The following TSNARE1 variants were observed in gnomAD, a reference collection of about 807,000 sequenced individuals.
TSNARE1 encodes the protein t-SNARE domain-containing protein 1.
A neutral mutation model predicts 62.0 loss-of-function variants in TSNARE1; 49 were observed. The ratio of observed to expected loss-of-function variants is 0.79; its 90% CI spans 0.63 to 1.00. The LOEUF (loss-of-function observed/expected upper bound fraction) is 1.00, where lower values mean the gene tolerates loss of function less well. TSNARE1 is among the 50% of genes least tolerant of loss of function. The pLI is 0.00. For synonymous variants in TSNARE1, 328 were observed against 294.4 expected, an observed-to-expected ratio of 1.11 and a Z score of -1.17; for missense variants, 755 against 700.1, an observed-to-expected ratio of 1.08 and a Z score of -0.88.
At position 142,331,827 on chromosome 8, in the gene TSNARE1, G is replaced by C; in HGVS notation, c.750C>G (p.Thr250=). The part of the protein sequence containing the change: ...EGFSLEPPRA[T]QVDPCNLQEL... Reference sequence around the variant, plus strand: ...CCTGGAGGTTGCACGGATCGACCTGGGTGGCTGGGAGAAGACAGGGAGGAG... The same window carrying C: ...CCTGGAGGTTGCACGGATCGACCTGCGTGGCTGGGAGAAGACAGGGAGGAG... Residue 250 remains threonine (T), a synonymous_variant, in exon 5 of 14, where the codon ACC becomes ACG. Coordinates refer to ENST00000524325, the MANE Select transcript of TSNARE1 (RefSeq NM_145003.5). The C allele has an allele frequency of 6.2e-7, 1 of 1,607,926 alleles. No individual in the cohort carries two copies. The highest frequency in any genetic ancestry group is 8.5e-7 in the Non-Finnish European group (1 of 1,177,284).
At chr8:142,277,961 G>A in intron 11 of TSNARE1, 1 of 985,342 alleles carries the variant, frequency 1.0e-6, no homozygotes, top group South Asian at 4.7e-5. Context: ...CCCCAAACCA[G>A]GTCTGCCTCT....
intron 1 of TSNARE1, among the ~76,000 whole-genome samples, chr8:142,378,608 A>G (rs771692486): frequency 6.6e-6 from 1 of 152,236 alleles, no homozygotes; most frequent in Non-Finnish European, 1.5e-5. Context: ...CGCTCAGGGT[A>G]AGAAGCCAGT....
At chr8:142,284,790 G>A (rs1336833585) in intron 10 of TSNARE1, among the ~76,000 whole-genome samples, 4 of 152,214 alleles carry the variant, frequency 2.6e-5, no homozygotes, top group Non-Finnish European at 5.9e-5. Flanking sequence ...GGGGCTGTGA[G>A]CTGCTTCCCT....
chr8:142,253,420 C>T (rs28694701), intron 12 of TSNARE1, among the ~76,000 whole-genome samples: 76,841 of 152,052 alleles, frequency 0.51, 20,896 homozygotes, highest in African/African-American at 0.71. Flanking sequence ...CAGTCACCCC[C>T]GAGTCACCAC....
At chr8:142,320,739 C>T (rs905572346) in intron 6 of TSNARE1, among the ~76,000 whole-genome samples, 5 of 152,266 alleles carry the variant, frequency 3.3e-5, no homozygotes, top group Admixed American at 1.3e-4. Flanking sequence ...CCGTGGGCAA[C>T]GCCCCCAGCA....
rs555325950 is a variant in TSNARE1 at position 142,344,236 on chromosome 8, G to A, written c.475C>T (p.Arg159Cys). 1.6e-5 allele frequency: 26 copies of A among 1,612,656 alleles called. No homozygotes were observed. Among genetic ancestry groups the A allele is most frequent in the East Asian group, 1.3e-4 (6 of 44,856 alleles). Residue 159 changes from arginine to cysteine, a missense_variant, in exon 4 of 14, where the codon CGC becomes TGC. Physicochemically the swap from Arg to Cys is radical, Grantham distance 180. Coordinates refer to ENST00000524325, the MANE Select transcript of TSNARE1 (RefSeq NM_145003.5). ...GTGLLKAEPT[R>C]RYRVWSRILQ... ...ATGCGGCTCCACACGCGGTACCTGC[G>A]AGTGGGCTCGGCCTTCAGCAGCCCC...
At chr8:142,339,533 G>A (rs910635776) in intron 4 of TSNARE1, among the ~76,000 whole-genome samples, 3 of 152,192 alleles carry the variant, frequency 2.0e-5, no homozygotes, top group Non-Finnish European at 4.4e-5. Context: ...CCCACAGGGC[G>A]CTAAGAAACC....
chr8:142,373,417 G>A (rs944919080), intron 1 of TSNARE1, among the ~76,000 whole-genome samples: 2 of 152,120 alleles, frequency 1.3e-5, no homozygotes, highest in African/African-American at 2.4e-5. Flanking sequence ...GGCCAGCAGC[G>A]GGATGGCAGG....
At chr8:142,344,704 T>C (rs1463841781) in intron 3 of TSNARE1, among the ~76,000 whole-genome samples, 1 of 152,166 alleles carries the variant, frequency 6.6e-6, no homozygotes, top group Non-Finnish European at 1.5e-5. Flanking sequence ...TGGGTCACAG[T>C]GCCCCATCTC....
intron 10 of TSNARE1, among the ~76,000 whole-genome samples, chr8:142,297,513 T>C (rs1338942365): frequency 6.6e-6 from 1 of 152,068 alleles, no homozygotes; most frequent in African/African-American, 2.4e-5. Flanking sequence ...ACCTACAAAA[T>C]CTTGCAAATC....
intron 2 of TSNARE1, among the ~76,000 whole-genome samples, chr8:142,348,961 G>A (rs1479952624): frequency 6.6e-6 from 1 of 152,184 alleles, no homozygotes; most frequent in Non-Finnish European, 1.5e-5. Context: ...CTGGGCACAT[G>A]CAGCTGACCC....
At chr8:142,249,101 C>T (rs73364656) in intron 12 of TSNARE1, among the ~76,000 whole-genome samples, 9,721 of 152,350 alleles carry the variant, frequency 0.064, 398 homozygotes, top group African/African-American at 0.11. Flanking sequence ...AGACCGCACA[C>T]AGCAGGCGCC....
intron 6 of TSNARE1, chr8:142,326,107 G>A (rs1430543845): frequency 1.2e-4 from 21 of 169,692 alleles, no homozygotes; most frequent in African/African-American, 1.6e-4. Context: ...CAGCACCAGC[G>A]AAGGGGAGGG....
chr8:142,323,056 T>C (rs575435373), intron 6 of TSNARE1, among the ~76,000 whole-genome samples: 6 of 149,714 alleles, frequency 4.0e-5, no homozygotes, highest in South Asian at 2.1e-4. Flanking sequence ...GTGGGCTGGA[T>C]GACAATACTG....
chr8:142,374,964 A>G (rs547552628), intron 1 of TSNARE1, among the ~76,000 whole-genome samples: 11 of 152,312 alleles, frequency 7.2e-5, no homozygotes, highest in African/African-American at 2.4e-4. Flanking sequence ...CAGGTGCCCA[A>G]GCACCATTAG....
chr8:142,395,125 G>A (rs772165832), intron 1 of TSNARE1, among the ~76,000 whole-genome samples: 1 of 152,110 alleles, frequency 6.6e-6, no homozygotes, highest in Non-Finnish European at 1.5e-5. Context: ...GCGGCCTAAA[G>A]GTGAGGCTCA....
In TSNARE1 at chr8:142,284,426, T is replaced by G; in HGVS notation, c.1350A>C (p.Gln450His). ...GCGGGTACCCACCAACAGCTTCTCC[T>G]TGCTCTGACACCATGGAGGCCAAGT... ...IKDLASMVSE[Q>H]GEAVDSIEAS... The change falls in exon 11 of 14, where the codon CAA (glutamine) becomes CAC (histidine). Residue 450 changes from glutamine (Q) to histidine (H), a missense_variant. Physicochemically the swap from Gln to His is conservative, Grantham distance 24. Coordinates refer to ENST00000524325, the MANE Select transcript of TSNARE1 (RefSeq NM_145003.5). 6.2e-7 allele frequency: 1 copy of G among 1,613,480 alleles called. No homozygotes were observed. Among genetic ancestry groups the G allele is most frequent in the Non-Finnish European group, 8.5e-7 (1 of 1,179,900 alleles).
intron 10 of TSNARE1, among the ~76,000 whole-genome samples, chr8:142,294,929 A>G (rs1335201399): frequency 6.6e-6 from 1 of 152,146 alleles, no homozygotes; most frequent in Non-Finnish European, 1.5e-5. Context: ...ACTGGCCAGG[A>G]GGCTGCCAGC....
intron 11 of TSNARE1, chr8:142,276,029 G>A (rs939989292): frequency 1.0e-5 from 10 of 985,314 alleles, no homozygotes; most frequent in African/African-American, 5.2e-5. Context: ...GCCTCACAGG[G>A]ATCCTTGAAC....
Sources: gnomAD v4.1 joint callset for allele counts (sites outside exome capture counted in the v4.1 genomes callset) on GRCh38, gnomAD v4.1.1 for gene constraint, MANE v1.5 for transcripts, NCBI Gene and HGNC (gene_info 2026-07-23, HGNC 2026-07-21) for gene names.